Variants in PITPNC1 observed in about 807,000 individuals in gnomAD.
PITPNC1 encodes cytoplasmic phosphatidylinositol transfer protein 1.
PITPNC1 carries 18 observed loss-of-function variants against 44.7 expected under a neutral mutation model. The ratio of observed to expected loss-of-function variants is 0.40; its 90% CI spans 0.28 to 0.60. The LOEUF (loss-of-function observed/expected upper bound fraction) is 0.60. Among genes scored for constraint, PITPNC1 ranks in the 20% least tolerant of loss-of-function variants. PITPNC1 has a pLI of 0.39. For synonymous variants in PITPNC1, 141 were observed against 149.6 expected (o/e 0.94, Z 0.42); for missense variants, 290 against 418.4 (o/e 0.69, Z 2.68).
chr17:67,396,113 G>A (rs887179567), intron 1 of PITPNC1, among the ~76,000 whole-genome samples: 1 of 152,042 alleles, frequency 6.6e-6, no homozygotes, highest in Admixed American at 6.6e-5. Flanking sequence ...TTTTCTTTTT[G>A]CCAAAATTTG....
At chr17:67,664,557 A>G (rs150280498) in intron 6 of PITPNC1, among the ~76,000 whole-genome samples, 208 of 152,306 alleles carry the variant, frequency 1.4e-3, no homozygotes, top group African/African-American at 4.9e-3. Context: ...TCTGATGATT[A>G]GTAATGCTAA....
intron 1 of PITPNC1, among the ~76,000 whole-genome samples, chr17:67,482,106 C>G (rs1203463982): frequency 2.0e-5 from 3 of 152,102 alleles, no homozygotes; most frequent in Non-Finnish European, 1.5e-5. Context: ...GACTGACTAA[C>G]AGTAATTTAA....
intron 1 of PITPNC1, among the ~76,000 whole-genome samples, chr17:67,456,171 T>A (rs146016467): frequency 1.3e-5 from 2 of 152,236 alleles, no homozygotes; most frequent in Non-Finnish European, 2.9e-5. Flanking sequence ...TTGATCCTAA[T>A]GATGCTTTTA....
intron 1 of PITPNC1, among the ~76,000 whole-genome samples, chr17:67,387,571 CAGG>C (rs534340939): frequency 3.4e-4 from 52 of 152,280 alleles, no homozygotes; most frequent in African/African-American, 1.2e-3. Context: ...GAGGCCAACG[CAGG>C]AGAATTGCTT....
chr17:67,531,102 GC>G lies in PITPNC1; in HGVS notation c.49-1699del, dbSNP rs556550604. Among the ~76,000 whole-genome samples the G allele has an allele frequency of 3.1e-3, 467 of 152,122 alleles. 4 individuals are homozygous for G. Among genetic ancestry groups the G allele is most frequent in the African/African-American group, 0.011 (449 of 41,496 alleles). ...TACAAAAAATACAAAAATTAGCTGGGCGTGCTGGTGCGCACCTGTAGTCCCA... is the reference window on the plus strand; with the variant it reads ...TACAAAAAATACAAAAATTAGCTGGGGTGCTGGTGCGCACCTGTAGTCCCA... On this transcript the variant is annotated intron_variant, in intron 1 of 8. Coordinates refer to ENST00000581322, the MANE Select transcript of PITPNC1 (RefSeq NM_012417.4).
chr17:67,494,503 A>G (rs539157333), intron 1 of PITPNC1, among the ~76,000 whole-genome samples: 1 of 151,758 alleles, frequency 6.6e-6, no homozygotes, highest in Non-Finnish European at 1.5e-5. Flanking sequence ...CAGCCCTGTA[A>G]CCTCTTTCAA....
At chr17:67,660,765 C>T (rs995135937) in intron 6 of PITPNC1, among the ~76,000 whole-genome samples, 1 of 151,438 alleles carries the variant, frequency 6.6e-6, no homozygotes, top group African/African-American at 2.4e-5. Context: ...AGGCTGGTCT[C>T]GAACTCCTGG....
intron 1 of PITPNC1, among the ~76,000 whole-genome samples, chr17:67,433,503 C>T (rs921344612): frequency 7.2e-5 from 11 of 152,104 alleles, no homozygotes; most frequent in Admixed American, 2.0e-4. Flanking sequence ...CTTTAGGAGG[C>T]CGAGGAGGGC....
At chr17:67,479,009 C>T (rs754532490) in intron 1 of PITPNC1, among the ~76,000 whole-genome samples, 68 of 152,116 alleles carry the variant, frequency 4.5e-4, no homozygotes, top group Middle Eastern at 3.4e-3. Context: ...CAGGTTACCT[C>T]GGTGTCAAGC....
intron 5 of PITPNC1, among the ~76,000 whole-genome samples, chr17:67,616,094 C>A (rs1044831251): frequency 6.6e-6 from 1 of 152,088 alleles, no homozygotes; most frequent in Non-Finnish European, 1.5e-5. Context: ...GTGATCCTTC[C>A]GCATGTACTT....
At chr17:67,440,773 C>T (rs2039001858) in intron 1 of PITPNC1, among the ~76,000 whole-genome samples, 1 of 151,650 alleles carries the variant, frequency 6.6e-6, no homozygotes, top group Non-Finnish European at 1.5e-5. Context: ...TCTCTTAACT[C>T]CTGGGCTCAA....
chr17:67,427,231 G>C (rs1209282054), intron 1 of PITPNC1, among the ~76,000 whole-genome samples: 1 of 151,924 alleles, frequency 6.6e-6, no homozygotes, highest in Non-Finnish European at 1.5e-5. Context: ...ATTTTTTTGA[G>C]ACAGAGTCTC....
chr17:67,378,767 G>A (rs1479547182), intron 1 of PITPNC1, among the ~76,000 whole-genome samples: 2 of 152,210 alleles, frequency 1.3e-5, no homozygotes, highest in African/African-American at 4.8e-5. Flanking sequence ...TCCGCCCTTC[G>A]AGGCTCGGGA....
intron 1 of PITPNC1, among the ~76,000 whole-genome samples, chr17:67,480,192 A>T (rs1303967190): frequency 1.3e-5 from 2 of 152,288 alleles, no homozygotes; most frequent in East Asian, 3.9e-4. Flanking sequence ...CTGGAACCTT[A>T]GTTGGTTTCC....
At chr17:67,649,540 A>G (rs2042187077) in intron 6 of PITPNC1, among the ~76,000 whole-genome samples, 1 of 152,044 alleles carries the variant, frequency 6.6e-6, no homozygotes, top group Non-Finnish European at 1.5e-5. Flanking sequence ...GACACTGTCT[A>G]TCTGGAGTTA....
chr17:67,438,313 CTTT>C (rs1245707226), intron 1 of PITPNC1, among the ~76,000 whole-genome samples: 7 of 130,430 alleles, frequency 5.4e-5, no homozygotes, highest in African/African-American at 2.0e-4. Context: ...TTCTAAGTGA[CTTT>C]TTTTTTTTTT....
Position 67,573,858 on chromosome 17 carries a change from G to A in PITPNC1, c.295-4328G>A, listed in dbSNP as rs182770497. On this transcript the variant is annotated intron_variant, in intron 4 of 8. Transcript: ENST00000581322. ...TTACAGGCATGAGCCACCATGCCCG[G>A]CTACTGACTACTCTTTTAATAAGTT... 2.5e-3 allele frequency among the ~76,000 whole-genome samples: 387 copies of A among 152,224 alleles called. 2 individuals carry two copies. Among genetic ancestry groups the A allele is most frequent in the African/African-American group, 9.1e-3 (377 of 41,524 alleles).
intron 1 of PITPNC1, among the ~76,000 whole-genome samples, chr17:67,435,377 C>T (rs1421945083): frequency 6.6e-6 from 1 of 152,172 alleles, no homozygotes; most frequent in African/African-American, 2.4e-5. Flanking sequence ...CATTTTTGTA[C>T]CCTCAGTGTC....
chr17:67,487,029 T>A (rs2039788326), intron 1 of PITPNC1, among the ~76,000 whole-genome samples: 1 of 151,204 alleles, frequency 6.6e-6, no homozygotes, highest in African/African-American at 2.4e-5. Context: ...CAAGACTCTG[T>A]CTAAAAAAAA....
Sources: gnomAD v4.1 joint callset for allele counts (sites outside exome capture counted in the v4.1 genomes callset) on GRCh38, gnomAD v4.1.1 for gene constraint, MANE v1.5 for transcripts, NCBI Gene and HGNC (gene_info 2026-07-23, HGNC 2026-07-21) for gene names.